The following PARP16 variants were observed in gnomAD, a reference collection of about 807,000 sequenced individuals.
PARP16 encodes the protein protein mono-ADP-ribosyltransferase PARP16.
Under a neutral mutation model 35.0 loss-of-function variants are expected in PARP16, and 31 were observed. The observed-to-expected ratio is 0.88, with a 90% CI of 0.66 to 1.19. PARP16 has a LOEUF of 1.19. Among genes scored for constraint, PARP16 ranks in the 50% most tolerant of loss-of-function variants. The pLI is 0.00. For missense variants in PARP16, 424 were observed against 411.2 expected (o/e 1.03, Z -0.27); for synonymous variants, 162 against 169.5 (o/e 0.96, Z 0.34).
At chr15:65,276,425 G>A (rs536722247) in intron 1 of PARP16, among the ~76,000 whole-genome samples, 1 of 152,220 alleles carries the variant, frequency 6.6e-6, no homozygotes, top group East Asian at 1.9e-4. Flanking sequence ...CCAGGCTGGA[G>A]TGCAGTGGCA....
At chr15:65,279,006 G>C (rs911332054) in intron 1 of PARP16, among the ~76,000 whole-genome samples, 2 of 152,170 alleles carry the variant, frequency 1.3e-5, no homozygotes, top group Non-Finnish European at 1.5e-5. Context: ...CCTACAGTAT[G>C]AAAGGCCAGA....
At chr15:65,281,013 C>G (rs920643843) in intron 1 of PARP16, among the ~76,000 whole-genome samples, 1 of 152,172 alleles carries the variant, frequency 6.6e-6, no homozygotes, top group Non-Finnish European at 1.5e-5. Context: ...CCAGGTGAGG[C>G]TCATGTTGCT....
intron 1 of PARP16, among the ~76,000 whole-genome samples, chr15:65,285,807 T>G (rs1263872751): frequency 6.6e-6 from 1 of 152,224 alleles, no homozygotes; most frequent in Non-Finnish European, 1.5e-5. Context: ...ATGTTACAGT[T>G]TATAAAAGTA....
chr15:65,237,736 T>C (rs2088925214), intron 3 of PARP16, among the ~76,000 whole-genome samples: 1 of 152,258 alleles, frequency 6.6e-6, no homozygotes, highest in South Asian at 2.1e-4. Context: ...CTTGAACTTC[T>C]GGCCTCCAGA....
intron 1 of PARP16, among the ~76,000 whole-genome samples, chr15:65,283,915 A>C (rs2090497349): frequency 6.6e-6 from 1 of 152,164 alleles, no homozygotes; most frequent in Admixed American, 6.5e-5. Flanking sequence ...GAAGTCAGTC[A>C]ATTTGCCTCT....
intron 3 of PARP16, 126 bp downstream of exon 3, chr15:65,266,436 T>G (rs1027354480): frequency 1.7e-5 from 12 of 722,718 alleles, no homozygotes; most frequent in South Asian, 1.0e-4. Context: ...ACATTTTGAG[T>G]GAGAAGGCGT....
chr15:65,271,080 G>A lies in PARP16; in HGVS notation c.175-8C>T, dbSNP rs377340501. 3.4e-5 allele frequency: 55 copies of A among 1,613,768 alleles called. No homozygotes were observed. The highest frequency in any genetic ancestry group is 4.5e-5 in the Non-Finnish European group (53 of 1,179,846). The stretch of plus-strand genomic sequence containing the variant: ...CTTGCTGGCATCTGCAAGCTGAAGC[G>A]ACGGAAGAACTTCCATTAGCAAGGA... On this transcript the variant is annotated splice_polypyrimidine_tract_variant and splice_region_variant and intron_variant, in intron 1 of 5. Transcript: ENST00000649807.
chr15:65,277,425 T>A (rs2090291664), intron 1 of PARP16, among the ~76,000 whole-genome samples: 1 of 152,226 alleles, frequency 6.6e-6, no homozygotes, highest in African/African-American at 2.4e-5. Context: ...TGGATCCCCA[T>A]GCCAGCCTGG....
At chr15:65,239,424 T>TAAAAAAAAAA (rs758350761) in intron 3 of PARP16, among the ~76,000 whole-genome samples, 57 of 6,956 alleles carry the variant, frequency 8.2e-3, no homozygotes, top group South Asian at 0.014. Context: ...AGACTTTGCC[T>TAAAAAAAAAA]AAAAAAAAAA....
At position 65,258,444 on chromosome 15, in the gene PARP16, T is replaced by TA. The variant is rs1335177143; in HGVS notation, c.*962dup. ...GGCAGGCCTCTGTCTTGAAGGCCAG[T>TA]AGGCCACAGAAGACCTGAAAGCATG... On this transcript the variant is annotated 3_prime_UTR_variant, in exon 6 of 6. Coordinates refer to ENST00000649807, the MANE Select transcript of PARP16 (RefSeq NM_001316943.2). The TA allele has an allele frequency of 6.6e-6, 1 of 152,172 alleles. No individual in the cohort carries two copies. Among genetic ancestry groups the TA allele is most frequent in the East Asian group, 1.9e-4 (1 of 5,192 alleles). The allele number at this position is 152,172 out of a possible 1,614,324, so 9.4% of individuals were successfully genotyped here. A position where few individuals can be genotyped will look rare whatever the true frequency, so the allele number is the denominator to read the frequency against.
downstream of PARP16, chr15:65,234,429 A>C (rs1490030474): frequency 1.3e-5 from 2 of 152,214 alleles, no homozygotes; most frequent in Non-Finnish European, 2.9e-5. Context: ...TTGTCAGTTA[A>C]ACCTTTCACA....
chr15:65,271,138 G>C, intron 1 of PARP16, 66 bp from the exon 2 acceptor site: 1 of 1,534,308 alleles, frequency 6.5e-7, no homozygotes, highest in African/African-American at 1.4e-5. Flanking sequence ...GGGCCCTCTA[G>C]TGGGAAGGCA....
chr15:65,252,472 C>T (rs1413281199), intron 2 of PARP16, among the ~76,000 whole-genome samples: 1 of 152,172 alleles, frequency 6.6e-6, no homozygotes, highest in South Asian at 2.1e-4. Flanking sequence ...AAGCAGCCTG[C>T]GATCCATGCT....
chr15:65,236,526 T>TAGAGTA (rs2088882319), intron 3 of PARP16, among the ~76,000 whole-genome samples: 1 of 152,220 alleles, frequency 6.6e-6, no homozygotes, highest in South Asian at 2.1e-4. Context: ...GCCAAGGCCC[T>TAGAGTA]AGAGTAGGAG....
At chr15:65,252,836 A>C (rs1043727473) in intron 2 of PARP16, among the ~76,000 whole-genome samples, 8 of 152,176 alleles carry the variant, frequency 5.3e-5, no homozygotes, top group Non-Finnish European at 8.8e-5. Context: ...ACTTTAAATA[A>C]AATGCAAGGC....
chr15:65,266,396 G>T (rs1201660488), intron 3 of PARP16, among the ~76,000 whole-genome samples, 166 bp downstream of exon 3: 1 of 152,118 alleles, frequency 6.6e-6, no homozygotes, highest in Non-Finnish European at 1.5e-5. Context: ...TAGGTCTCCA[G>T]GTGATGCTGC....
rs368450100 is a variant in PARP16 at position 65,277,640 on chromosome 15, G to A, written c.175-6568C>T. ...CACACAGCTATTCAGTGGCAGGGTGGGGATATGAAGCCAGGTGGCCCGACT... is the reference window on the plus strand; with the variant it reads ...CACACAGCTATTCAGTGGCAGGGTGAGGATATGAAGCCAGGTGGCCCGACT... On this transcript the variant is annotated intron_variant, in intron 1 of 5. Coordinates refer to ENST00000649807, the MANE Select transcript of PARP16 (RefSeq NM_001316943.2). Among the ~76,000 whole-genome samples the A allele has an allele frequency of 9.8e-5, 15 of 152,308 alleles. No homozygotes were observed. The East Asian group carries it at 2.9e-3, about 29-fold the overall frequency.
chr15:65,242,942 T>C (rs988278066), intron 3 of PARP16, among the ~76,000 whole-genome samples: 1 of 152,116 alleles, frequency 6.6e-6, no homozygotes, highest in African/African-American at 2.4e-5. Flanking sequence ...CTCGAACTCC[T>C]GACCTCAGGT....
chr15:65,237,395 G>A (rs1354946831), intron 3 of PARP16, among the ~76,000 whole-genome samples: 2 of 152,166 alleles, frequency 1.3e-5, no homozygotes, highest in African/African-American at 4.8e-5. Context: ...CCCAGAACCT[G>A]TGAATGTAAC....
Sources: gnomAD v4.1 joint callset for allele counts (sites outside exome capture counted in the v4.1 genomes callset) on GRCh38, gnomAD v4.1.1 for gene constraint, MANE v1.5 for transcripts, NCBI Gene and HGNC (gene_info 2026-07-23, HGNC 2026-07-21) for gene names.